PRELID2: variants seen among roughly 807,000 people sequenced by gnomAD.
PRELID2 encodes the protein PRELI domain-containing protein 2.
In PRELID2, 25 loss-of-function variants were observed where a neutral mutation model predicts 28.4. That is an observed-to-expected ratio of 0.88 (90% CI 0.64 to 1.23). PRELID2 has a LOEUF of 1.23. Ranked by LOEUF, PRELID2 falls within the 50% of genes most tolerant of loss-of-function variation. The pLI is 0.00. For synonymous variants in PRELID2, 76 were observed against 71.6 expected (o/e 1.06, Z -0.31); for missense variants, 201 against 214.4 (o/e 0.94, Z 0.39).
chr5:145,297,132 T>C, the PRELID2 span, among the ~76,000 whole-genome samples: 6 of 151,970 alleles, frequency 3.9e-5, no homozygotes, highest in African/African-American at 7.2e-5. Flanking sequence ...TTTTCTCCCA[T>C]TTTGTAGGTT....
chr5:145,432,591 G>C, the PRELID2 span, among the ~76,000 whole-genome samples: 1 of 152,078 alleles, frequency 6.6e-6, no homozygotes, highest in Non-Finnish European at 1.5e-5. Flanking sequence ...TCCATTACAT[G>C]TTTGTGTGTA....
intron 1 of PRELID2, among the ~76,000 whole-genome samples, chr5:145,587,486 AAC>A (rs1315390955): frequency 3.3e-5 from 5 of 152,278 alleles, no homozygotes; most frequent in Middle Eastern, 3.4e-3. Flanking sequence ...TACCCATGAA[AAC>A]AGAGTCATAA....
intron 1 of PRELID2, among the ~76,000 whole-genome samples, chr5:145,708,362 G>T (rs1458919044): frequency 6.6e-6 from 1 of 151,802 alleles, no homozygotes; most frequent in Non-Finnish European, 1.5e-5. Flanking sequence ...TAAGCAAGTT[G>T]CTTAACCTCT....
chr5:145,240,528 T>G, the PRELID2 span, among the ~76,000 whole-genome samples: 1 of 152,038 alleles, frequency 6.6e-6, no homozygotes, highest in Non-Finnish European at 1.5e-5. Context: ...AATAATCCAT[T>G]GTGTATATCT....
chr5:145,586,765 T>C (rs115101330), intron 1 of PRELID2, among the ~76,000 whole-genome samples: 1 of 152,076 alleles, frequency 6.6e-6, no homozygotes, highest in Non-Finnish European at 1.5e-5. Flanking sequence ...AAATCCAACC[T>C]CCTAATAGTA....
At chr5:145,684,301 G>C (rs757235237) in intron 1 of PRELID2, among the ~76,000 whole-genome samples, 5 of 152,124 alleles carry the variant, frequency 3.3e-5, no homozygotes, top group Non-Finnish European at 5.9e-5. Flanking sequence ...GAACTTTTAC[G>C]CAATCAGAAT....
At chr5:145,512,458 G>T (rs1277053642) in intron 1 of PRELID2, among the ~76,000 whole-genome samples, 1 of 152,156 alleles carries the variant, frequency 6.6e-6, no homozygotes. Context: ...CTTCCTCTCT[G>T]GGCAGGGCAT....
the PRELID2 span, among the ~76,000 whole-genome samples, chr5:145,416,059 T>G: frequency 1.3e-5 from 2 of 152,010 alleles, no homozygotes; most frequent in African/African-American, 2.4e-5. Context: ...TCATGTGTCT[T>G]TTGGCTGCAT....
At chr5:145,769,434 C>A (rs1208986412) in intron 5 of PRELID2, among the ~76,000 whole-genome samples, 2 of 152,148 alleles carry the variant, frequency 1.3e-5, no homozygotes, top group Admixed American at 6.5e-5. Context: ...ACTAAAAACA[C>A]AAACTTGTCT....
the PRELID2 span, among the ~76,000 whole-genome samples, chr5:145,433,258 A>G: frequency 6.6e-6 from 1 of 152,174 alleles, no homozygotes; most frequent in Admixed American, 6.5e-5. Context: ...CAATACAGCC[A>G]GAGGGTGAGC....
chr5:145,729,288 TCAAA>T, intron 1 of PRELID2: 1 of 1,056,792 alleles, frequency 9.5e-7, no homozygotes, highest in Non-Finnish European at 1.4e-6. Flanking sequence ...ATTCCACAAC[TCAAA>T]CAAATATTCC....
At chr5:145,818,127 C>G (rs1754503182) in intron 3 of PRELID2, 73 bp from the exon 4 acceptor site, 1 of 1,494,134 alleles carries the variant, frequency 6.7e-7, no homozygotes, top group Non-Finnish European at 9.1e-7. Flanking sequence ...TCCAGAGTTA[C>G]TCTCAGTCTT....
chr5:145,753,347 C>G (rs1404628784), downstream of PRELID2, among the ~76,000 whole-genome samples: 1 of 152,194 alleles, frequency 6.6e-6, no homozygotes, highest in East Asian at 1.9e-4. Context: ...ACTGTGGGAT[C>G]CTTTTTCTGC....
the PRELID2 span, among the ~76,000 whole-genome samples, chr5:145,357,944 G>T: frequency 4.0e-5 from 6 of 149,960 alleles, no homozygotes; most frequent in Non-Finnish European, 7.4e-5. Flanking sequence ...ATTCTTTGGT[G>T]CCATTGGTTG....
chr5:145,378,551 G>C, the PRELID2 span, among the ~76,000 whole-genome samples: 1 of 152,258 alleles, frequency 6.6e-6, no homozygotes, highest in Non-Finnish European at 1.5e-5. Context: ...CAAACTCTGA[G>C]ATTCTTTTCT....
intron 1 of PRELID2, among the ~76,000 whole-genome samples, chr5:145,478,156 G>T (rs901730412): frequency 6.6e-6 from 1 of 152,134 alleles, no homozygotes; most frequent in African/African-American, 2.4e-5. Context: ...TATTGTCCAG[G>T]GTAGTAGCCA....
At chr5:145,402,707 T>C in the PRELID2 span, among the ~76,000 whole-genome samples, 1 of 152,194 alleles carries the variant, frequency 6.6e-6, no homozygotes, top group Non-Finnish European at 1.5e-5. Context: ...TATGCAATAA[T>C]GCATTTAATG....
chr5:145,444,482 C>A, the PRELID2 span, among the ~76,000 whole-genome samples: 1 of 151,986 alleles, frequency 6.6e-6, no homozygotes, highest in East Asian at 1.9e-4. Context: ...GTCATTTTTG[C>A]CATTTTTCTA....
the PRELID2 span, among the ~76,000 whole-genome samples, chr5:145,282,510 CTCT>C: frequency 6.6e-6 from 1 of 150,574 alleles, no homozygotes; most frequent in Non-Finnish European, 1.5e-5. Flanking sequence ...TCTGAGACAG[CTCT>C]TCTTTTTTTT....
Sources: allele counts gnomAD v4.1 joint callset (sites outside exome capture counted in the v4.1 genomes callset), GRCh38; gene constraint gnomAD v4.1.1; transcripts MANE v1.5; gene names NCBI Gene and HGNC (gene_info 2026-07-23, HGNC 2026-07-21).